Variants in OSBPL3 observed in about 807,000 individuals in gnomAD.
The protein encoded by OSBPL3 is oxysterol-binding protein-related protein 3.
In OSBPL3, 65 loss-of-function variants were observed where a neutral mutation model predicts 120.1. The observed-to-expected ratio is 0.54, with a 90% CI of 0.44 to 0.67. The LOEUF is 0.67. Ranked by LOEUF, OSBPL3 falls within the 30% of genes least tolerant of loss-of-function variation. The probability of loss-of-function intolerance (pLI) is 0.00; values close to 1 mark genes in which losing one functional copy is unlikely to be tolerated. For missense variants in OSBPL3, 1,004 were observed against 1,082.1 expected, an observed-to-expected ratio of 0.93 and a Z score of 1.01; for synonymous variants, 416 against 402.6, an observed-to-expected ratio of 1.03 and a Z score of -0.40.
rs901715861 is a variant in OSBPL3, at chr7:24,873,629, T to C, written c.97-1560A>G. 3.3e-5 allele frequency among the ~76,000 whole-genome samples: 5 copies of C among 152,094 alleles called. No individual in the cohort carries two copies. The highest frequency in any genetic ancestry group is 1.2e-4 in the African/African-American group (5 of 41,404). The stretch of plus-strand genomic sequence containing the variant: ...AGGAAGGTAGCAATGTTGAATGAGA[T>C]TTCTTCATAACAAAATTATTACCAA... On this transcript the variant is annotated intron_variant, in intron 2 of 22. Transcript: ENST00000313367. This position sits in a 1 kb window ranked among gnomAD's most constrained non-coding sequence, Gnocchi z 4.1.
intron 1 of OSBPL3, among the ~76,000 whole-genome samples, chr7:24,917,379 T>C (rs1489854536): frequency 8.2e-6 from 1 of 121,976 alleles, no homozygotes; most frequent in Non-Finnish European, 1.7e-5. Flanking sequence ...AGGATATTTG[T>C]AACATATATA....
At position 24,821,336 on chromosome 7, in the gene OSBPL3, AAAG is replaced by A. The variant is rs1198043646; in HGVS notation, c.1885-1101_1885-1099del. ...CCTCACTGGTTTTCAAACTTTGCAA[AAAG>A]AAGAAAAAAAATGTTTTAAGCAGCT... On this transcript the variant is annotated intron_variant, in intron 16 of 22. Coordinates refer to ENST00000313367, the MANE Select transcript of OSBPL3 (RefSeq NM_015550.4). The surrounding 1 kb of genome is among the most constrained non-coding windows in gnomAD (Gnocchi z 5.5). 6.6e-6 allele frequency among the ~76,000 whole-genome samples: 1 copy of A among 152,192 alleles called. No individual in the cohort carries two copies. The highest frequency in any genetic ancestry group is 2.1e-4 in the South Asian group (1 of 4,830).
chr7:24,960,927 C>T (rs761638526), intron 1 of OSBPL3, among the ~76,000 whole-genome samples: 6 of 152,150 alleles, frequency 3.9e-5, no homozygotes, highest in African/African-American at 9.7e-5. Context: ...TGCCCACCTT[C>T]GGGAAGTGGT....
At chr7:24,975,912 C>T (rs1484031072) in intron 1 of OSBPL3, among the ~76,000 whole-genome samples, 1 of 152,126 alleles carries the variant, frequency 6.6e-6, no homozygotes, top group Non-Finnish European at 1.5e-5. Flanking sequence ...GCTTTCTAGG[C>T]AACAGGAGTG....
At chr7:24,911,076 A>T (rs944820067) in intron 1 of OSBPL3, among the ~76,000 whole-genome samples, 12 of 152,178 alleles carry the variant, frequency 7.9e-5, no homozygotes, top group Non-Finnish European at 1.6e-4. Flanking sequence ...GAAATGACAG[A>T]TTTACTCCAC....
chr7:24,884,907 G>T (rs1057080525), intron 2 of OSBPL3, among the ~76,000 whole-genome samples: 1 of 152,122 alleles, frequency 6.6e-6, no homozygotes, highest in Non-Finnish European at 1.5e-5. Flanking sequence ...CTTTCTTGTG[G>T]TGTTTATTCA....
intron 20 of OSBPL3, 83 bp downstream of exon 20, chr7:24,809,724 T>C: frequency 6.9e-6 from 9 of 1,308,074 alleles, no homozygotes; most frequent in Non-Finnish European, 9.8e-6. Flanking sequence ...GAACAGACAC[T>C]ACTCCTGTCC....
Position 24,937,521 on chromosome 7 carries a change from T to C in OSBPL3, c.-150+42365A>G, listed in dbSNP as rs1350400498. Among the ~76,000 whole-genome samples the C allele has an allele frequency of 6.6e-6, 1 of 152,248 alleles. No individual in the cohort carries two copies. The highest frequency in any genetic ancestry group is 2.4e-5 in the African/African-American group (1 of 41,460). The stretch of plus-strand genomic sequence containing the variant: ...AGAATTTAATTTACTGAGTCCATTA[T>C]AGTTATTTATCCATCTTACTCATGG... On this transcript the variant is annotated intron_variant, in intron 1 of 22. Transcript: ENST00000313367. This position sits in a 1 kb window ranked among gnomAD's most constrained non-coding sequence, Gnocchi z 4.0.
intron 10 of OSBPL3, among the ~76,000 whole-genome samples, chr7:24,860,818 C>A (rs966267987): frequency 6.6e-6 from 1 of 152,182 alleles, no homozygotes; most frequent in African/African-American, 2.4e-5. Flanking sequence ...TTTGTTTAAC[C>A]ATTCATCTGT....
Position 24,863,148 on chromosome 7 carries a change from T to A in OSBPL3, c.870+52A>T. ...TCAAGGTAGCTGCTGGCACACGGCA[T>A]GCAGAGCAGGGCCAATGAAGAAACC... On this transcript the variant is annotated intron_variant, in intron 9 of 22. Coordinates refer to ENST00000313367, the MANE Select transcript of OSBPL3 (RefSeq NM_015550.4). This position sits in a 1 kb window ranked among gnomAD's most constrained non-coding sequence, Gnocchi z 5.8. The A allele has an allele frequency of 7.7e-7, 1 of 1,300,886 alleles. No individual in the cohort carries two copies. Among genetic ancestry groups the A allele is most frequent in the Non-Finnish European group, 1.1e-6 (1 of 893,806 alleles). 80.6% of individuals were successfully genotyped at this position (1,300,886 alleles called of 1,614,324 possible).
chr7:24,974,132 C>T (rs1167671005), intron 1 of OSBPL3, among the ~76,000 whole-genome samples: 1 of 152,190 alleles, frequency 6.6e-6, no homozygotes, highest in Non-Finnish European at 1.5e-5. Flanking sequence ...TAAGGACTAG[C>T]CACATTTTAA....
intron 5 of OSBPL3, among the ~76,000 whole-genome samples, 175 bp downstream of exon 5, chr7:24,870,557 G>A (rs1216668050): frequency 6.6e-6 from 1 of 152,168 alleles, no homozygotes; most frequent in Non-Finnish European, 1.5e-5. Context: ...AAGCAGTGTT[G>A]ACAGTCCTGC....
intron 22 of OSBPL3, among the ~76,000 whole-genome samples, chr7:24,801,994 T>G (rs1262636142): frequency 6.6e-6 from 1 of 152,224 alleles, no homozygotes; most frequent in Non-Finnish European, 1.5e-5. Flanking sequence ...CATTAACAAT[T>G]CCTGTAATTA....
chr7:24,821,945 C>G lies in OSBPL3; in HGVS notation c.1885-1707G>C, dbSNP rs1795179881. ...CTGGAGTGCAGTGGCACAATCACAG[C>G]CCACTACAGCCTTGACCTCCAGGGC... On this transcript the variant is annotated intron_variant, in intron 16 of 22. Coordinates refer to ENST00000313367, the MANE Select transcript of OSBPL3 (RefSeq NM_015550.4). This position sits in a 1 kb window ranked among gnomAD's most constrained non-coding sequence, Gnocchi z 5.5. 6.6e-6 allele frequency among the ~76,000 whole-genome samples: 1 copy of G among 152,186 alleles called. No individual in the cohort carries two copies. The highest frequency in any genetic ancestry group is 6.5e-5 in the Admixed American group (1 of 15,286).
rs533720057 is a variant in OSBPL3 at position 24,827,042 on chromosome 7, C to G, written c.1884+3726G>C. Among the ~76,000 whole-genome samples the G allele has an allele frequency of 5.1e-4, 78 of 152,198 alleles. 1 individual carries two copies. The highest frequency in any genetic ancestry group is 9.7e-4 in the Non-Finnish European group (66 of 68,034). ...AAGCCAAGCTGTTTCTTGCCAGGTCCTTAAGCTTGGAGATACAATTTCCAT... is the reference window on the plus strand; with the variant it reads ...AAGCCAAGCTGTTTCTTGCCAGGTCGTTAAGCTTGGAGATACAATTTCCAT... On this transcript the variant is annotated intron_variant, in intron 16 of 22. Coordinates refer to ENST00000313367, the MANE Select transcript of OSBPL3 (RefSeq NM_015550.4). This position sits in a 1 kb window ranked among gnomAD's most constrained non-coding sequence, Gnocchi z 5.1.
intron 1 of OSBPL3, among the ~76,000 whole-genome samples, chr7:24,902,320 C>T (rs183860624): frequency 1.1e-4 from 17 of 152,310 alleles, no homozygotes; most frequent in African/African-American, 4.1e-4. Flanking sequence ...GGTCTCCACA[C>T]ATATATACCC....
chr7:24,844,790 C>T (rs1039399809), intron 12 of OSBPL3, among the ~76,000 whole-genome samples: 3 of 152,026 alleles, frequency 2.0e-5, no homozygotes, highest in African/African-American at 4.8e-5. Context: ...TGGAAGTGGA[C>T]GTGGCCCCTA....
chr7:24,808,454 A>G lies in OSBPL3; in HGVS notation c.2317+1353T>C, dbSNP rs576080761. ...TGCTTTATCAAGGTGGTACTTTAAC[A>G]CTGAGACAGGATCGCAGTTCTCATC... On this transcript the variant is annotated intron_variant, in intron 20 of 22. Transcript: ENST00000313367. This position sits in a 1 kb window ranked among gnomAD's most constrained non-coding sequence, Gnocchi z 4.6. Among the ~76,000 whole-genome samples, 1 of 152,356 alleles carries G rather than the reference A, an allele frequency of 6.6e-6. No individual in the cohort carries two copies. The highest frequency in any genetic ancestry group is 1.9e-4 in the East Asian group (1 of 5,190).
intron 1 of OSBPL3, among the ~76,000 whole-genome samples, chr7:24,963,733 CTT>C (rs1816055090): frequency 6.6e-6 from 1 of 152,226 alleles, no homozygotes; most frequent in Admixed American, 6.5e-5. Context: ...ACCATTTCAC[CTT>C]TTGAGGTGTC....
Sources: gnomAD v4.1 joint callset for allele counts (sites outside exome capture counted in the v4.1 genomes callset) on GRCh38, gnomAD v4.1.1 for gene constraint, Gnocchi (gnomAD v3.1) non-coding constraint, MANE v1.5 for transcripts, NCBI Gene and HGNC (gene_info 2026-07-23, HGNC 2026-07-21) for gene names.